FGF12: variants seen among roughly 807,000 people sequenced by gnomAD.
The protein encoded by FGF12 is fibroblast growth factor 12B.
A neutral mutation model predicts 23.6 loss-of-function variants in FGF12; 14 were observed. The observed-to-expected ratio is 0.59, with a 90% CI of 0.39 to 0.93. The LOEUF is 0.93. FGF12 is among the 40% of genes least tolerant of loss of function. The probability of loss-of-function intolerance (pLI) is 0.00; values close to 1 mark genes in which losing one functional copy is unlikely to be tolerated. For missense variants in FGF12, 175 were observed against 217.8 expected (o/e 0.80, Z 1.24); for synonymous variants, 62 against 77.3 (o/e 0.80, Z 1.04).
intron 4 of FGF12, 44 bp from the exon 5 acceptor site, chr3:192,170,700 A>G: frequency 6.5e-7 from 1 of 1,527,504 alleles, no homozygotes; most frequent in Non-Finnish European, 8.9e-7. Context: ...GAAATGATTT[A>G]AAGGTGAATC....
chr3:192,244,598 G>A (rs1719789300), intron 4 of FGF12, among the ~76,000 whole-genome samples: 1 of 152,194 alleles, frequency 6.6e-6, no homozygotes, highest in South Asian at 2.1e-4. Context: ...TAGGCAGAAT[G>A]AGATTGTTCA....
chr3:192,360,476 G>A lies in FGF12; in HGVS notation c.76C>T (p.His26Tyr). The A allele has an allele frequency of 6.2e-7, 1 of 1,613,930 alleles. No homozygotes were observed. The highest frequency in any genetic ancestry group is 2.2e-5 in the East Asian group (1 of 44,866). Residue 26 changes from histidine (H) to tyrosine (Y), a missense_variant, in exon 3 of 6, where the codon CAC (histidine) becomes TAC (tyrosine). Physicochemically the swap from His to Tyr is moderately conservative, Grantham distance 83. Coordinates refer to ENST00000445105, the MANE Select transcript of FGF12 (RefSeq NM_004113.6). The surrounding 1 kb of genome is among the most constrained non-coding windows in gnomAD (Gnocchi z 4.3). ...GTCCCATCAATGGTACCATCTGGGT[G>A]CATCTGCAGGAAGTATCCCTGCTGG... ...FSQQGYFLQM[H>Y]PDGTIDGTKD...
At chr3:192,419,654 C>T (rs1721459936) in intron 2 of FGF12, among the ~76,000 whole-genome samples, 1 of 152,054 alleles carries the variant, frequency 6.6e-6, no homozygotes, top group African/African-American at 2.4e-5. Flanking sequence ...TTATAGGCTG[C>T]ATCCAAGGCA....
intron 4 of FGF12, among the ~76,000 whole-genome samples, chr3:192,283,564 A>G (rs779209459): frequency 1.2e-4 from 18 of 152,172 alleles, no homozygotes; most frequent in Admixed American, 3.9e-4. Flanking sequence ...TTGTGTACAC[A>G]TGTTATCACT....
intron 4 of FGF12, among the ~76,000 whole-genome samples, chr3:192,258,783 A>G (rs1008038765): frequency 3.3e-5 from 5 of 152,182 alleles, no homozygotes; most frequent in African/African-American, 4.8e-5. Flanking sequence ...CATGTTCCAC[A>G]TAAAGAGAAA....
intron 2 of FGF12, among the ~76,000 whole-genome samples, chr3:192,588,229 A>G (rs953437434): frequency 3.3e-5 from 5 of 150,952 alleles, no homozygotes; most frequent in African/African-American, 9.7e-5. Context: ...GGGCTCCTGT[A>G]GTCCCAGCTA....
At chr3:192,557,580 C>A (rs576365590) in intron 2 of FGF12, among the ~76,000 whole-genome samples, 10 of 151,940 alleles carry the variant, frequency 6.6e-5, no homozygotes, top group African/African-American at 2.4e-4. Context: ...GACACCATTA[C>A]CTTGATAGCA....
chr3:192,226,168 C>T (rs1024992784), intron 4 of FGF12, among the ~76,000 whole-genome samples: 2 of 152,134 alleles, frequency 1.3e-5, no homozygotes, highest in Non-Finnish European at 2.9e-5. Flanking sequence ...TCTCTTCATG[C>T]GTCCTATACC....
At chr3:192,535,363 A>G (rs769835775) in intron 2 of FGF12, among the ~76,000 whole-genome samples, 1 of 152,202 alleles carries the variant, frequency 6.6e-6, no homozygotes, top group Admixed American at 6.5e-5. Flanking sequence ...AGACAGTTCA[A>G]TTAAGGGAGA....
At chr3:192,551,439 C>T (rs1711525917) in intron 2 of FGF12, among the ~76,000 whole-genome samples, 1 of 152,216 alleles carries the variant, frequency 6.6e-6, no homozygotes, top group African/African-American at 2.4e-5. Flanking sequence ...GGAGAGTATT[C>T]TGTGACACTC....
chr3:192,448,740 G>A (rs1157016142), intron 2 of FGF12, among the ~76,000 whole-genome samples: 1 of 152,090 alleles, frequency 6.6e-6, no homozygotes, highest in Non-Finnish European at 1.5e-5. Flanking sequence ...ATATCAGCAT[G>A]AGTAAATGTA....
At chr3:192,198,500 C>T (rs1415212597) in intron 4 of FGF12, among the ~76,000 whole-genome samples, 2 of 152,086 alleles carry the variant, frequency 1.3e-5, no homozygotes, top group African/African-American at 2.4e-5. Flanking sequence ...CTTTCATGAC[C>T]TCACTTATTC....
intron 2 of FGF12, among the ~76,000 whole-genome samples, chr3:192,644,617 T>C (rs1437588948): frequency 6.6e-6 from 1 of 152,206 alleles, no homozygotes; most frequent in East Asian, 1.9e-4. Flanking sequence ...ATTAAGTAAA[T>C]ACTTATTGTA....
intron 4 of FGF12, among the ~76,000 whole-genome samples, chr3:192,217,790 T>C (rs1424833915): frequency 2.0e-5 from 3 of 152,178 alleles, no homozygotes; most frequent in Admixed American, 6.6e-5. Context: ...ATTCATGATA[T>C]ATGACATACT....
intron 2 of FGF12, among the ~76,000 whole-genome samples, chr3:192,482,326 G>A (rs1313322109): frequency 1.3e-5 from 2 of 152,086 alleles, no homozygotes; most frequent in African/African-American, 2.4e-5. Flanking sequence ...AAGAGAACAG[G>A]TACCGTGGTA....
intron 4 of FGF12, among the ~76,000 whole-genome samples, chr3:192,173,385 G>T (rs1715675092): frequency 6.6e-6 from 1 of 150,778 alleles, no homozygotes; most frequent in Admixed American, 6.7e-5. Flanking sequence ...GCAGCACAGG[G>T]CTATATGATA....
intron 4 of FGF12, among the ~76,000 whole-genome samples, chr3:192,219,282 G>A (rs992664239): frequency 3.4e-4 from 52 of 151,834 alleles, no homozygotes; most frequent in Admixed American, 7.9e-4. Context: ...ATGGGTTTTC[G>A]CCATGTTGGC....
intron 2 of FGF12, among the ~76,000 whole-genome samples, chr3:192,529,679 CG>C (rs1377025667): frequency 6.6e-6 from 1 of 152,066 alleles, no homozygotes; most frequent in African/African-American, 2.4e-5. Flanking sequence ...CCACCTGGCT[CG>C]GGGGGCATCA....
chr3:192,411,967 T>C (rs74581604), intron 2 of FGF12, among the ~76,000 whole-genome samples: 2 of 152,048 alleles, frequency 1.3e-5, no homozygotes, highest in South Asian at 2.1e-4. Context: ...GTTTTTTTTT[T>C]CCAAAGAAAA....
Sources: gnomAD v4.1 joint callset for allele counts (sites outside exome capture counted in the v4.1 genomes callset) on GRCh38, gnomAD v4.1.1 for gene constraint, Gnocchi (gnomAD v3.1) non-coding constraint, MANE v1.5 for transcripts, NCBI Gene and HGNC (gene_info 2026-07-23, HGNC 2026-07-21) for gene names.